Variants in SUMF1 observed in about 807,000 individuals in gnomAD.
SUMF1 encodes formylglycine-generating enzyme.
In SUMF1, 48 loss-of-function variants were observed where a neutral mutation model predicts 47.6. The ratio of observed to expected loss-of-function variants is 1.01; its 90% CI spans 0.80 to 1.28. SUMF1 has a LOEUF of 1.28. SUMF1 is among the 50% of genes most tolerant of loss of function. The pLI is 0.00. For synonymous variants in SUMF1, 230 were observed against 192.1 expected, an observed-to-expected ratio of 1.20 and a Z score of -1.63; for missense variants, 571 against 485.4, an observed-to-expected ratio of 1.18 and a Z score of -1.66.
chr3:4,344,210 C>T (rs930331455), intron 8 of SUMF1, among the ~76,000 whole-genome samples: 9 of 152,168 alleles, frequency 5.9e-5, no homozygotes, highest in South Asian at 2.1e-4. Context: ...TCGTGACCCA[C>T]GGAGAGAAGG....
chr3:4,073,349 A>C (rs540375410), intron 8 of SUMF1, among the ~76,000 whole-genome samples: 2 of 152,304 alleles, frequency 1.3e-5, no homozygotes, highest in Admixed American at 6.5e-5. Flanking sequence ...TAAACATGGA[A>C]AGGAATAACT....
chr3:4,271,547 G>A (rs146244356), intron 8 of SUMF1, among the ~76,000 whole-genome samples: 1 of 152,252 alleles, frequency 6.6e-6, no homozygotes, highest in African/African-American at 2.4e-5. Flanking sequence ...CATTGCCCAG[G>A]CTGGAATGCA....
At chr3:4,086,287 TC>T (rs1433400952) in intron 8 of SUMF1, among the ~76,000 whole-genome samples, 1 of 151,870 alleles carries the variant, frequency 6.6e-6, no homozygotes, top group African/African-American at 2.4e-5. Context: ...AATAAAAGAA[TC>T]CCCATCCCAC....
intron 8 of SUMF1, among the ~76,000 whole-genome samples, chr3:4,174,564 G>T (rs899256913): frequency 2.6e-5 from 4 of 151,850 alleles, no homozygotes; most frequent in Non-Finnish European, 4.4e-5. Context: ...CACATGGGGG[G>T]CGTTCCAAGA....
intron 8 of SUMF1, among the ~76,000 whole-genome samples, chr3:4,292,731 T>C (rs376643971): frequency 1.2e-4 from 18 of 152,146 alleles, no homozygotes; most frequent in Admixed American, 3.9e-4. Flanking sequence ...CAGCAACAAA[T>C]ACCTACAAAA....
At chr3:4,411,644 A>T (rs1228916874) in intron 6 of SUMF1, among the ~76,000 whole-genome samples, 1 of 151,920 alleles carries the variant, frequency 6.6e-6, no homozygotes, top group East Asian at 1.9e-4. Flanking sequence ...TCTGCCACAT[A>T]ATACTGTCAC....
At position 4,370,295 on chromosome 3, in the gene SUMF1, G is replaced by T. The variant is rs181696452; in HGVS notation, c.1014+6035C>A. 5.9e-5 allele frequency among the ~76,000 whole-genome samples: 9 copies of T among 152,224 alleles called. No individual in the cohort carries two copies. In the East Asian group the frequency reaches 1.7e-3, roughly 29 times the overall value. On this transcript the variant is annotated intron_variant, in intron 8 of 8. Coordinates refer to ENST00000272902, the MANE Select transcript of SUMF1 (RefSeq NM_182760.4). ...TGGCTTCCTCACTAAAACAACAAAG[G>T]TATTAGCCAGCTTCTAAGCAGGTCT...
intron 8 of SUMF1, among the ~76,000 whole-genome samples, chr3:4,349,606 T>C (rs1699444676): frequency 6.6e-6 from 1 of 152,170 alleles, no homozygotes; most frequent in African/African-American, 2.4e-5. Context: ...AATGGTAGAC[T>C]GGATAAAGAA....
chr3:4,260,724 G>C (rs1697067939), intron 8 of SUMF1, among the ~76,000 whole-genome samples: 1 of 151,760 alleles, frequency 6.6e-6, no homozygotes, highest in Non-Finnish European at 1.5e-5. Flanking sequence ...GACAGAGCGA[G>C]AATATGTCTA....
At chr3:4,226,703 T>C (rs533001653) in intron 8 of SUMF1, among the ~76,000 whole-genome samples, 1 of 152,192 alleles carries the variant, frequency 6.6e-6, no homozygotes, top group South Asian at 2.1e-4. Context: ...TGTACAAAGT[T>C]ACTCTATAAG....
intron 8 of SUMF1, among the ~76,000 whole-genome samples, chr3:4,318,114 TAAAG>T (rs1698733202): frequency 6.6e-6 from 1 of 150,826 alleles, no homozygotes; most frequent in African/African-American, 2.4e-5. Flanking sequence ...ACACATGAGT[TAAAG>T]AAGACATGGA....
At chr3:4,306,786 A>G (rs891402238) in intron 8 of SUMF1, among the ~76,000 whole-genome samples, 9 of 152,278 alleles carry the variant, frequency 5.9e-5, no homozygotes. Flanking sequence ...AAAACTTTCA[A>G]GATAAAAATA....
chr3:4,218,564 G>C (rs1274142348), intron 8 of SUMF1, among the ~76,000 whole-genome samples: 1 of 152,098 alleles, frequency 6.6e-6, no homozygotes, highest in Non-Finnish European at 1.5e-5. Context: ...AGCCACCTAA[G>C]GTCGCACTAA....
chr3:4,129,110 C>G (rs986012239), intron 8 of SUMF1, among the ~76,000 whole-genome samples: 11 of 152,156 alleles, frequency 7.2e-5, no homozygotes, highest in Admixed American at 3.9e-4. Context: ...CCTTGCAAAA[C>G]AGATTCGTGA....
In SUMF1 at chr3:4,071,581, G is replaced by A. The variant is rs180682681; in HGVS notation, c.1015-2836C>T. On this transcript the variant is annotated intron_variant and NMD_transcript_variant, in intron 8 of 12. Coordinates refer to the SUMF1 transcript ENST00000448413. ...CTTGAAATTCTCACTGCTAGCGCAG[G>A]AGTCTGAGACGACCTGGGATGCTGG... is the stretch of plus-strand genomic sequence containing the variant. Among the ~76,000 whole-genome samples the A allele has an allele frequency of 6.3e-3, 962 of 152,342 alleles. 10 individuals are homozygous for A. The highest frequency in any genetic ancestry group is 0.01 in the Middle Eastern group (3 of 294).
At chr3:4,040,151 A>G (rs1238539761) in intron 9 of SUMF1, among the ~76,000 whole-genome samples, 1 of 152,210 alleles carries the variant, frequency 6.6e-6, no homozygotes, top group Non-Finnish European at 1.5e-5. Flanking sequence ...GTCACATTTC[A>G]CAATCTGGAA....
intron 8 of SUMF1, among the ~76,000 whole-genome samples, chr3:4,269,638 G>A (rs1394648503): frequency 6.6e-6 from 1 of 152,140 alleles, no homozygotes; most frequent in Non-Finnish European, 1.5e-5. Flanking sequence ...GAATGAATGG[G>A]TGAGTTGTTA....
chr3:4,366,608 T>C (rs1699967334), intron 8 of SUMF1, among the ~76,000 whole-genome samples: 1 of 151,454 alleles, frequency 6.6e-6, no homozygotes, highest in Admixed American at 6.6e-5. Flanking sequence ...ATTCTAGTTA[T>C]ACATTCGTCT....
At chr3:4,310,364 C>G (rs1306638174) in intron 8 of SUMF1, among the ~76,000 whole-genome samples, 1 of 152,094 alleles carries the variant, frequency 6.6e-6, no homozygotes, top group Non-Finnish European at 1.5e-5. Context: ...AAAGATTATT[C>G]TTGAGTGTAG....
Sources: gnomAD v4.1 joint callset for allele counts (sites outside exome capture counted in the v4.1 genomes callset) on GRCh38, gnomAD v4.1.1 for gene constraint, MANE v1.5 for transcripts, NCBI Gene and HGNC (gene_info 2026-07-23, HGNC 2026-07-21) for gene names.